NGEF: variants seen among roughly 807,000 people sequenced by gnomAD.
NGEF encodes the protein ephexin-1.
A neutral mutation model predicts 80.9 loss-of-function variants in NGEF; 31 were observed. That is an observed-to-expected ratio of 0.38 (90% confidence interval 0.29 to 0.52). The LOEUF is 0.52. NGEF is among the 20% of genes least tolerant of loss of function. The pLI is 0.84. For synonymous variants in NGEF, 371 were observed against 370.2 expected (o/e 1.00, Z -0.03); for missense variants, 709 against 926.2 (o/e 0.77, Z 3.04).
At chr2:232,893,195 A>G in intron 6 of NGEF, 145 bp from the exon 7 acceptor site, 1 of 731,760 alleles carries the variant, frequency 1.4e-6, no homozygotes, top group Non-Finnish European at 2.2e-6. Context: ...ATCCATCGGC[A>G]GGGGCACCGA....
intron 1 of NGEF, among the ~76,000 whole-genome samples, chr2:232,995,949 A>C (rs1320005371): frequency 1.3e-5 from 2 of 151,658 alleles, no homozygotes; most frequent in Non-Finnish European, 2.9e-5. Flanking sequence ...AAGAGGACAA[A>C]AGAAAGAATA....
At chr2:232,883,288 G>A (rs1691574618) in intron 12 of NGEF, 23 bp downstream of exon 12, 5 of 1,570,550 alleles carry the variant, frequency 3.2e-6, no homozygotes, top group Non-Finnish European at 4.3e-6. Flanking sequence ...GTAGCACTGG[G>A]CGTGTGGCGG....
chr2:232,945,026 A>G (rs576049702), intron 3 of NGEF, among the ~76,000 whole-genome samples: 1 of 152,186 alleles, frequency 6.6e-6, no homozygotes, highest in Non-Finnish European at 1.5e-5. Flanking sequence ...TGCTGGGATT[A>G]CAGGCATGAG....
chr2:232,887,972 G>T, intron 9 of NGEF, 61 bp downstream of exon 9: 1 of 1,281,454 alleles, frequency 7.8e-7, no homozygotes, highest in Non-Finnish European at 1.1e-6. Flanking sequence ...GGGCCGGAAA[G>T]GTGTGCCTGG....
chr2:232,935,722 C>T (rs1175623329), intron 3 of NGEF, among the ~76,000 whole-genome samples: 2 of 152,146 alleles, frequency 1.3e-5, no homozygotes, highest in African/African-American at 4.8e-5. Flanking sequence ...AGGAACAGCA[C>T]ATTGCTATTC....
intron 3 of NGEF, among the ~76,000 whole-genome samples, chr2:232,952,579 C>T (rs1304472062): frequency 6.6e-6 from 1 of 152,166 alleles, no homozygotes; most frequent in Non-Finnish European, 1.5e-5. Flanking sequence ...CTGTTTAACT[C>T]CACATATCAA....
At chr2:232,976,653 C>T (rs923065473) in intron 1 of NGEF, among the ~76,000 whole-genome samples, 2 of 152,224 alleles carry the variant, frequency 1.3e-5, no homozygotes, top group African/African-American at 2.4e-5. Flanking sequence ...GCTTGCAGGG[C>T]TGATCCTGTT....
chr2:232,985,902 GC>G (rs992967969), intron 1 of NGEF, among the ~76,000 whole-genome samples: 3 of 150,154 alleles, frequency 2.0e-5, no homozygotes, highest in Non-Finnish European at 4.4e-5. Flanking sequence ...TCACGCCATT[GC>G]CCCCCAGCCT....
At chr2:232,949,211 T>C (rs1574630990) in intron 3 of NGEF, among the ~76,000 whole-genome samples, 2 of 152,258 alleles carry the variant, frequency 1.3e-5, no homozygotes, top group East Asian at 3.9e-4. Context: ...AAGGCGGAGC[T>C]CTTGGTCCCT....
At chr2:232,984,407 AC>A (rs1291070643) in intron 1 of NGEF, among the ~76,000 whole-genome samples, 2 of 152,108 alleles carry the variant, frequency 1.3e-5, no homozygotes, top group African/African-American at 4.8e-5. Flanking sequence ...TTAACTTTAA[AC>A]CTAGGAAGAA....
At chr2:232,927,000 C>A in intron 4 of NGEF, 44 bp downstream of exon 4, 1 of 1,613,362 alleles carries the variant, frequency 6.2e-7, no homozygotes, top group South Asian at 1.1e-5. Flanking sequence ...CCTCCAGGGA[C>A]CCGCGTTTCC....
intron 5 of NGEF, chr2:232,901,518 T>C: frequency 1.1e-6 from 1 of 873,018 alleles, no homozygotes; most frequent in Non-Finnish European, 1.4e-6. Context: ...TGCAGCTGCG[T>C]CACCAGGGTG....
intron 5 of NGEF, among the ~76,000 whole-genome samples, chr2:232,904,871 A>C (rs570958199): frequency 1.2e-4 from 18 of 152,266 alleles, no homozygotes; most frequent in African/African-American, 4.1e-4. Flanking sequence ...TGAGCCCAGG[A>C]GTTCAAGGCT....
chr2:232,946,018 C>CTA (rs1453218128), intron 3 of NGEF, among the ~76,000 whole-genome samples: 3 of 148,780 alleles, frequency 2.0e-5, no homozygotes, highest in Non-Finnish European at 4.4e-5. Context: ...TATATATATT[C>CTA]TATATATATC....
chr2:232,913,392 T>C (rs1247452008), intron 5 of NGEF, among the ~76,000 whole-genome samples: 1 of 152,240 alleles, frequency 6.6e-6, no homozygotes, highest in African/African-American at 2.4e-5. Context: ...AGGAGAGTTA[T>C]GCTTTACCTT....
chr2:232,894,931 C>A lies in NGEF; in HGVS notation c.829-15G>T, dbSNP rs1405615923. ...TCGAACATGGCCTGTAGCAGGGAGACCCCATGGTTACCGCCTGAAGTTGGC... is the reference window on the plus strand; with the variant it reads ...TCGAACATGGCCTGTAGCAGGGAGAACCCATGGTTACCGCCTGAAGTTGGC... On this transcript the variant is annotated splice_polypyrimidine_tract_variant and intron_variant, in intron 5 of 14. Coordinates refer to ENST00000264051, the MANE Select transcript of NGEF (RefSeq NM_019850.3). 3.9e-6 allele frequency: 6 copies of A among 1,556,806 alleles called. No homozygotes were observed. In the Admixed American group the frequency reaches 6.7e-5, roughly 17 times the overall value.
At chr2:232,963,568 C>T (rs1354351991) in intron 3 of NGEF, among the ~76,000 whole-genome samples, 2 of 151,982 alleles carry the variant, frequency 1.3e-5, no homozygotes, top group Non-Finnish European at 2.9e-5. Flanking sequence ...AATCCCAGCC[C>T]TTTGGGAGGC....
intron 5 of NGEF, among the ~76,000 whole-genome samples, chr2:232,917,808 C>G (rs1358365180): frequency 6.6e-6 from 1 of 152,174 alleles, no homozygotes; most frequent in Non-Finnish European, 1.5e-5. Flanking sequence ...GAGTCTTGCT[C>G]TGTCACCCAG....
intron 5 of NGEF, among the ~76,000 whole-genome samples, chr2:232,899,021 T>G (rs1023176823): frequency 6.6e-6 from 1 of 151,776 alleles, no homozygotes; most frequent in African/African-American, 2.4e-5. Flanking sequence ...TGTTAACATG[T>G]GTGAGTGAAT....
Sources: gnomAD v4.1 joint callset for allele counts (sites outside exome capture counted in the v4.1 genomes callset) on GRCh38, gnomAD v4.1.1 for gene constraint, MANE v1.5 for transcripts, NCBI Gene and HGNC (gene_info 2026-07-23, HGNC 2026-07-21) for gene names.